The following TMEFF2 variants were observed in gnomAD, a reference collection of about 807,000 sequenced individuals.
TMEFF2 encodes transmembrane protein with EGF like and two follistatin like domains 2.
In TMEFF2, 28 loss-of-function variants were observed where a neutral mutation model predicts 53.8. That is an observed-to-expected ratio of 0.52 (90% CI 0.39 to 0.71). The LOEUF is 0.71. Among genes scored for constraint, TMEFF2 ranks in the 30% least tolerant of loss-of-function variants. The pLI, the probability that TMEFF2 is intolerant of heterozygous loss-of-function variation, is 0.00. For missense variants in TMEFF2, 353 were observed against 455.2 expected (o/e 0.78, Z 2.04); for synonymous variants, 162 against 166.3 (o/e 0.97, Z 0.20).
chr2:191,952,944 A>G (rs890349366), intron 9 of TMEFF2, among the ~76,000 whole-genome samples: 4 of 152,220 alleles, frequency 2.6e-5, no homozygotes, highest in African/African-American at 4.8e-5. Context: ...ACTATCTTCA[A>G]TGACTTTTCT....
At chr2:192,119,328 C>G (rs1217233622) in intron 4 of TMEFF2, among the ~76,000 whole-genome samples, 1 of 152,134 alleles carries the variant, frequency 6.6e-6, no homozygotes, top group Non-Finnish European at 1.5e-5. Context: ...TATTCTTTAT[C>G]ATTGAAATTA....
chr2:192,132,885 A>G (rs1574402551), intron 4 of TMEFF2, among the ~76,000 whole-genome samples: 1 of 152,158 alleles, frequency 6.6e-6, no homozygotes, highest in Admixed American at 6.5e-5. Flanking sequence ...TTAGTGGCTG[A>G]AGACTGACGC....
chr2:192,049,869 C>T (rs369161488), intron 5 of TMEFF2, among the ~76,000 whole-genome samples: 63 of 152,184 alleles, frequency 4.1e-4, no homozygotes, highest in African/African-American at 1.3e-3. Context: ...GGCGTGGTGG[C>T]GACCGCCTGT....
chr2:192,107,665 C>T (rs1380587037), intron 4 of TMEFF2, among the ~76,000 whole-genome samples: 1 of 151,668 alleles, frequency 6.6e-6, no homozygotes, highest in Non-Finnish European at 1.5e-5. Flanking sequence ...TATGCATTCA[C>T]AAGATATTCT....
chr2:191,953,471 A>T (rs918145414), intron 9 of TMEFF2, among the ~76,000 whole-genome samples: 1 of 152,232 alleles, frequency 6.6e-6, no homozygotes, highest in African/African-American at 2.4e-5. Context: ...ATCATCAGGC[A>T]AAATTAAGGA....
chr2:192,169,422 T>G (rs969662603), intron 4 of TMEFF2, among the ~76,000 whole-genome samples: 12 of 151,990 alleles, frequency 7.9e-5, no homozygotes, highest in Non-Finnish European at 1.6e-4. Context: ...AAGTCTGAGG[T>G]AGAGAAAATG....
At chr2:192,159,960 G>A (rs968094761) in intron 4 of TMEFF2, among the ~76,000 whole-genome samples, 4 of 152,194 alleles carry the variant, frequency 2.6e-5, no homozygotes, top group African/African-American at 9.6e-5. Flanking sequence ...AATAGGGCCA[G>A]TGATAATTAC....
chr2:192,147,721 A>G (rs1690289521), intron 4 of TMEFF2, among the ~76,000 whole-genome samples: 1 of 151,974 alleles, frequency 6.6e-6, no homozygotes, highest in Non-Finnish European at 1.5e-5. Context: ...ATCAACCCCA[A>G]ACATTTGACT....
At chr2:192,148,761 C>G (rs1690313917) in intron 4 of TMEFF2, among the ~76,000 whole-genome samples, 1 of 151,948 alleles carries the variant, frequency 6.6e-6, no homozygotes, top group Non-Finnish European at 1.5e-5. Flanking sequence ...CTGCTGGCTG[C>G]CTCTGGAATA....
chr2:192,056,273 A>C (rs1049273010), intron 5 of TMEFF2, among the ~76,000 whole-genome samples: 6 of 152,046 alleles, frequency 3.9e-5, no homozygotes, highest in Non-Finnish European at 2.9e-5. Flanking sequence ...AAAAAGAAAA[A>C]GAGAGAAATA....
intron 4 of TMEFF2, among the ~76,000 whole-genome samples, chr2:192,088,611 A>G (rs1688718918): frequency 2.0e-5 from 3 of 152,082 alleles, no homozygotes; most frequent in Non-Finnish European, 4.4e-5. Flanking sequence ...ATTATCCTGT[A>G]TTTTCTGAAA....
At chr2:192,089,660 T>G (rs1688745387) in intron 4 of TMEFF2, among the ~76,000 whole-genome samples, 1 of 152,112 alleles carries the variant, frequency 6.6e-6, no homozygotes, top group Non-Finnish European at 1.5e-5. Flanking sequence ...AGCCACTATT[T>G]GCACTGTAGC....
intron 4 of TMEFF2, among the ~76,000 whole-genome samples, chr2:192,156,893 A>G (rs1361146554): frequency 6.6e-6 from 1 of 152,040 alleles, no homozygotes; most frequent in Admixed American, 6.6e-5. Context: ...ATGAAGAATT[A>G]AGGTCGAGAG....
intron 5 of TMEFF2, among the ~76,000 whole-genome samples, chr2:192,024,410 C>T (rs917386855): frequency 6.6e-6 from 1 of 152,138 alleles, no homozygotes; most frequent in African/African-American, 2.4e-5. Context: ...TACAATTTAT[C>T]AAAGTAAGTG....
At chr2:192,168,356 T>C (rs1446817061) in intron 4 of TMEFF2, among the ~76,000 whole-genome samples, 1 of 152,016 alleles carries the variant, frequency 6.6e-6, no homozygotes, top group Non-Finnish European at 1.5e-5. Flanking sequence ...ACTGGTTCAA[T>C]GTCAAATTAA....
chr2:192,086,059 T>C (rs1184500040), intron 4 of TMEFF2, among the ~76,000 whole-genome samples: 1 of 152,154 alleles, frequency 6.6e-6, no homozygotes, highest in Non-Finnish European at 1.5e-5. Context: ...TCAAAGGCAT[T>C]ATAGGAAAGA....
At position 192,023,569 on chromosome 2, in the gene TMEFF2, G is replaced by A. The variant is rs2105863441; in HGVS notation, c.537-24361C>T. Among the ~76,000 whole-genome samples the A allele has an allele frequency of 2.0e-5, 3 of 152,200 alleles. No individual in the cohort carries two copies. The Middle Eastern group carries it at 0.01, about 518-fold the overall frequency. ...TTCAAAATAGGCTGGAGGTAGGGGT[G>A]GGCACTCTTTGTTTCTGCAGACAAA... On this transcript the variant is annotated intron_variant, in intron 5 of 9. Transcript: ENST00000272771.
At chr2:191,979,262 T>C (rs1045977993) in intron 7 of TMEFF2, among the ~76,000 whole-genome samples, 1 of 152,242 alleles carries the variant, frequency 6.6e-6, no homozygotes, top group African/African-American at 2.4e-5. Flanking sequence ...ACGAAGCCTT[T>C]GGTTTTCATG....
chr2:192,061,188 C>A (rs563076600), intron 4 of TMEFF2, among the ~76,000 whole-genome samples: 1 of 152,230 alleles, frequency 6.6e-6, no homozygotes, highest in Non-Finnish European at 1.5e-5. Context: ...ACCTGTTATA[C>A]CATTTCTGAA....
Sources: gnomAD v4.1 joint callset for allele counts (sites outside exome capture counted in the v4.1 genomes callset) on GRCh38, gnomAD v4.1.1 for gene constraint, MANE v1.5 for transcripts, NCBI Gene and HGNC (gene_info 2026-07-23, HGNC 2026-07-21) for gene names.